The following LOXL2 variants were observed in gnomAD, a reference collection of about 807,000 sequenced individuals.
LOXL2 encodes the protein lysyl oxidase like 2, also known as lysyl oxidase homolog 2.
LOXL2 carries 70 observed loss-of-function variants against 93.0 expected under a neutral mutation model. The ratio of observed to expected loss-of-function variants is 0.75; its 90% CI spans 0.62 to 0.92. The LOEUF (loss-of-function observed/expected upper bound fraction) is 0.92. Among genes scored for constraint, LOXL2 ranks in the 40% least tolerant of loss-of-function variants. LOXL2 has a pLI of 0.00. For missense variants in LOXL2, 973 were observed against 1,054.9 expected, an observed-to-expected ratio of 0.92 and a Z score of 1.08; for synonymous variants, 438 against 413.2, an observed-to-expected ratio of 1.06 and a Z score of -0.73.
rs182532079 is a variant in LOXL2 at position 23,351,339 on chromosome 8, C to T, written c.531+8751G>A. On this transcript the variant is annotated intron_variant, in intron 3 of 13. Coordinates refer to ENST00000389131, the MANE Select transcript of LOXL2 (RefSeq NM_002318.3). ...CACATCACCAGACCTCCCTGCAGAG[C>T]GGACCTGCCCATCTAGGGCAGGGAG... Among the ~76,000 whole-genome samples, 440 of 152,292 alleles carry T rather than the reference C, an allele frequency of 2.9e-3. 5 individuals carry two copies. The highest frequency in any genetic ancestry group is 0.023 in the Admixed American group (359 of 15,300).
At chr8:23,327,476 G>C (rs6984693) in intron 6 of LOXL2, among the ~76,000 whole-genome samples, 89,643 of 151,978 alleles carry the variant, frequency 0.59, 28,792 homozygotes, top group Middle Eastern at 0.73. Flanking sequence ...CCACCCCACC[G>C]CTTGTCTGTA....
intron 1 of LOXL2, among the ~76,000 whole-genome samples, chr8:23,394,010 G>A (rs531966716): frequency 9.8e-5 from 15 of 152,328 alleles, no homozygotes; most frequent in African/African-American, 3.4e-4. Flanking sequence ...ATAACCCACA[G>A]AATGGGAGAA....
At chr8:23,321,166 C>T (rs1429532610) in intron 7 of LOXL2, among the ~76,000 whole-genome samples, 1 of 152,204 alleles carries the variant, frequency 6.6e-6, no homozygotes, top group Non-Finnish European at 1.5e-5. Context: ...TGCTCTAGGT[C>T]CTAAAGCCAA....
intron 1 of LOXL2, among the ~76,000 whole-genome samples, chr8:23,395,563 G>A (rs537707510): frequency 2.6e-5 from 4 of 152,258 alleles, no homozygotes; most frequent in African/African-American, 9.6e-5. Context: ...GGGTGAATTG[G>A]ATGATATGCA....
chr8:23,402,329 G>A (rs1017546350), intron 1 of LOXL2, among the ~76,000 whole-genome samples: 2 of 152,156 alleles, frequency 1.3e-5, no homozygotes, highest in East Asian at 3.9e-4. Flanking sequence ...AAACGTGCGC[G>A]CGTGCACACA....
intron 11 of LOXL2, among the ~76,000 whole-genome samples, chr8:23,302,503 T>TG (rs1301651541): frequency 6.6e-6 from 1 of 151,794 alleles, no homozygotes; most frequent in East Asian, 1.9e-4. Flanking sequence ...TAGCAAAACG[T>TG]GGGGGGTCAT....
chr8:23,310,014 A>G, intron 9 of LOXL2, 103 bp from the exon 10 acceptor site: 1 of 1,285,996 alleles, frequency 7.8e-7, no homozygotes, highest in Non-Finnish European at 1.0e-6. Flanking sequence ...GCCTACCGCC[A>G]CCTTCTGGAA....
At chr8:23,322,003 C>G in intron 7 of LOXL2, 127 bp downstream of exon 7, 1 of 1,067,574 alleles carries the variant, frequency 9.4e-7, no homozygotes, top group East Asian at 2.4e-5. Context: ...TTGCAAATGC[C>G]AAGTGGCAAT....
At chr8:23,323,591 A>C (rs1803531410) in intron 6 of LOXL2, among the ~76,000 whole-genome samples, 1 of 146,030 alleles carries the variant, frequency 6.8e-6, no homozygotes, top group South Asian at 2.2e-4. Flanking sequence ...ATTCAGCTTG[A>C]GGCTGAAGAT....
intron 1 of LOXL2, among the ~76,000 whole-genome samples, chr8:23,399,634 T>C (rs576182998): frequency 1.3e-4 from 20 of 152,358 alleles, no homozygotes; most frequent in African/African-American, 4.8e-4. Context: ...CTCCTGGACT[T>C]TGGACTTCTC....
intron 2 of LOXL2, among the ~76,000 whole-genome samples, chr8:23,361,482 G>A (rs370556154): frequency 8.5e-5 from 13 of 152,190 alleles, no homozygotes; most frequent in African/African-American, 2.2e-4. Flanking sequence ...AGAATTCAGC[G>A]TGCAAAGTGT....
rs1803739933 is a variant in LOXL2 at position 23,333,506 on chromosome 8, C to T, written c.861G>A (p.Lys287=). Residue 287 remains lysine, a synonymous_variant, in exon 5 of 14, where the codon AAG becomes AAA. Coordinates refer to ENST00000389131, the MANE Select transcript of LOXL2 (RefSeq NM_002318.3). The stretch of plus-strand genomic sequence containing the variant: ...GTAGCCCATTCTCGCAGGTGACATT[C>T]TTCATGGGGTCCAGTGACACCTGGG... ...LGPQVSLDPM[K]NVTCENGLPA... 7 of 1,614,036 alleles carry T rather than the reference C, an allele frequency of 4.3e-6. No homozygotes were observed. The highest frequency in any genetic ancestry group is 2.7e-5 in the African/African-American group (2 of 75,070).
intron 3 of LOXL2, among the ~76,000 whole-genome samples, chr8:23,357,779 G>C (rs1563201013): frequency 6.6e-6 from 1 of 152,024 alleles, no homozygotes; most frequent in Non-Finnish European, 1.5e-5. Context: ...TTACAAATCA[G>C]CTCATGGTCC....
intron 1 of LOXL2, among the ~76,000 whole-genome samples, chr8:23,403,543 C>G (rs531452747): frequency 6.6e-6 from 1 of 152,174 alleles, no homozygotes; most frequent in Non-Finnish European, 1.5e-5. Flanking sequence ...GTCTCCCGAC[C>G]CGTCCCCCGC....
At position 23,298,115 on chromosome 8, in the gene LOXL2, G is replaced by A. The variant is rs1803069329; in HGVS notation, c.2253C>T (p.Ser751=). 1 of 1,613,158 alleles carries A rather than the reference G, an allele frequency of 6.2e-7. No individual in the cohort carries two copies. Residue 751 remains serine (S), a synonymous_variant, in exon 14 of 14, where the codon TCC becomes TCT. Transcript: ENST00000389131. ...ACTTTTTTTCCGTCTCTTCGCTGAAGGAACCACCTGAAGAGCGAGAATCGG... is the reference window on the plus strand; with the variant it reads ...ACTTTTTTTCCGTCTCTTCGCTGAAAGAACCACCTGAAGAGCGAGAATCGG... ...IWMYNCHIGG[S]FSEETEKKFE... is the part of the protein sequence containing the mutation.
intron 1 of LOXL2, among the ~76,000 whole-genome samples, chr8:23,382,694 C>T (rs1804697794): frequency 6.6e-6 from 1 of 152,070 alleles, no homozygotes; most frequent in African/African-American, 2.4e-5. Flanking sequence ...ATGGGCTAAA[C>T]TGTGTCTTTC....
intron 1 of LOXL2, among the ~76,000 whole-genome samples, chr8:23,369,716 C>A (rs990745169): frequency 3.3e-5 from 5 of 152,044 alleles, no homozygotes; most frequent in Non-Finnish European, 7.4e-5. Flanking sequence ...TCTGATGTCA[C>A]CGGAGAGCCA....
chr8:23,349,011 CTT>C (rs10538323), intron 3 of LOXL2, among the ~76,000 whole-genome samples: 45,856 of 151,934 alleles, frequency 0.3, 9,056 homozygotes, highest in African/African-American at 0.56. Flanking sequence ...AACTCTTCCT[CTT>C]TTCATCGAGT....
intron 8 of LOXL2, among the ~76,000 whole-genome samples, chr8:23,317,747 G>T (rs1803425164): frequency 6.6e-6 from 1 of 152,156 alleles, no homozygotes; most frequent in African/African-American, 2.4e-5. Flanking sequence ...TCGAAATACT[G>T]TTAGGATTTA....
Sources: allele counts gnomAD v4.1 joint callset (sites outside exome capture counted in the v4.1 genomes callset), GRCh38; gene constraint gnomAD v4.1.1; transcripts MANE v1.5; gene names NCBI Gene and HGNC (gene_info 2026-07-23, HGNC 2026-07-21).